SVIL: variants seen among roughly 807,000 people sequenced by gnomAD.
SVIL encodes the protein archvillin.
In SVIL, 101 loss-of-function variants were observed where a neutral mutation model predicts 240.4. The ratio of observed to expected loss-of-function variants is 0.42; its 90% CI spans 0.36 to 0.50. SVIL has a LOEUF of 0.50. Ranked by LOEUF, SVIL falls within the 20% of genes least tolerant of loss-of-function variation. SVIL has a pLI of 0.01. For synonymous variants in SVIL, 999 were observed against 1,100.0 expected, an observed-to-expected ratio of 0.91 and a Z score of 1.82; for missense variants, 2,512 against 2,818.7, an observed-to-expected ratio of 0.89 and a Z score of 2.46.
chr10:29,634,155 T>C (rs1270387674), intron 1 of SVIL, among the ~76,000 whole-genome samples: 3 of 152,144 alleles, frequency 2.0e-5, no homozygotes, highest in Middle Eastern at 3.4e-3. Flanking sequence ...AATCAAATTT[T>C]TAGTATTAAA....
At chr10:29,616,747 G>A (rs146844369) in intron 1 of SVIL, among the ~76,000 whole-genome samples, 1 of 152,256 alleles carries the variant, frequency 6.6e-6, no homozygotes, top group African/African-American at 2.4e-5. Flanking sequence ...TTGAGATGGA[G>A]TCTGGCTCTG....
intron 1 of SVIL, among the ~76,000 whole-genome samples, chr10:29,596,616 A>G (rs1016353395): frequency 2.0e-5 from 3 of 152,164 alleles, no homozygotes; most frequent in Non-Finnish European, 4.4e-5. Context: ...TTTCAGGGCC[A>G]CTGGGCATTG....
At position 29,627,037 on chromosome 10, in the gene SVIL, G is replaced by T. The variant is rs985125489; in HGVS notation, c.-201+7383C>A. ...AGACTCCATCTCAAAAAAATAAAAT[G>T]AAAATAAAATAAAATAAAATAAAAT... On this transcript the variant is annotated intron_variant, in intron 1 of 37. Transcript: ENST00000355867. 9.7e-4 allele frequency among the ~76,000 whole-genome samples: 147 copies of T among 151,002 alleles called. 1 individual carries two copies. The highest frequency in any genetic ancestry group is 3.4e-3 in the African/African-American group (138 of 41,060).
Position 29,718,417 on chromosome 10 carries a change from C to G in SVIL, c.-400+17334G>C, listed in dbSNP as rs551693233. ...TACATATGTGGTTTACATTACATAT[C>G]TGTTGAATATCTAGGGACCCTGGCT... On this transcript the variant is annotated intron_variant, in intron 1 of 35. Coordinates refer to the SVIL transcript ENST00000375400. Among the ~76,000 whole-genome samples, 85 of 152,194 alleles carry G rather than the reference C, an allele frequency of 5.6e-4. 1 individual carries two copies. Among genetic ancestry groups the G allele is most frequent in the African/African-American group, 1.9e-3 (78 of 41,526 alleles).
intron 1 of SVIL, among the ~76,000 whole-genome samples, chr10:29,626,256 G>C (rs1415327507): frequency 6.6e-6 from 1 of 152,174 alleles, no homozygotes. Context: ...ACCATGGTAG[G>C]TATTTTACAT....
Position 29,646,150 on chromosome 10 carries a change from C to T in SVIL, c.-201+11819G>A, listed in dbSNP as rs193100597. On this transcript the variant is annotated intron_variant, in intron 3 of 35. Coordinates refer to the SVIL transcript ENST00000375400. ...ACGAATAAGGCAAATAATGCGTATG[C>T]TCCAGGGAAAATGACAAGGCAATGA... Among the ~76,000 whole-genome samples, 7 of 152,294 alleles carry T rather than the reference C, an allele frequency of 4.6e-5. No homozygotes were observed. The East Asian group carries it at 7.7e-4, about 17-fold the overall frequency.
chr10:29,547,849 A>G (rs1952835055), intron 6 of SVIL, among the ~76,000 whole-genome samples: 1 of 152,222 alleles, frequency 6.6e-6, no homozygotes, highest in Admixed American at 6.5e-5. Flanking sequence ...GTAATTATAT[A>G]TCTCTGATAT....
chr10:29,736,113 G>A (rs1365509944), upstream of SVIL, among the ~76,000 whole-genome samples: 5 of 152,210 alleles, frequency 3.3e-5, no homozygotes, highest in Middle Eastern at 3.4e-3. Context: ...CAGTGCGCGG[G>A]GACCACGCTG....
intron 1 of SVIL, among the ~76,000 whole-genome samples, chr10:29,580,871 C>T (rs947474687): frequency 6.6e-6 from 1 of 152,150 alleles, no homozygotes; most frequent in African/African-American, 2.4e-5. Flanking sequence ...TGGTCTCAAA[C>T]TCCTGGCCTG....
intron 6 of SVIL, among the ~76,000 whole-genome samples, chr10:29,549,782 A>C (rs1953068422): frequency 7.0e-6 from 1 of 142,486 alleles, no homozygotes; most frequent in Non-Finnish European, 1.5e-5. Context: ...ACAAAAAACC[A>C]AACACCGCAT....
chr10:29,580,741 A>G (rs1258019881), intron 1 of SVIL, among the ~76,000 whole-genome samples: 1 of 152,138 alleles, frequency 6.6e-6, no homozygotes, highest in Non-Finnish European at 1.5e-5. Flanking sequence ...AACACGGCTC[A>G]TTGCAGCCTC....
chr10:29,699,447 C>T (rs1209425802), intron 1 of SVIL, among the ~76,000 whole-genome samples: 2 of 152,094 alleles, frequency 1.3e-5, no homozygotes, highest in Non-Finnish European at 2.9e-5. Flanking sequence ...GGATTACAGG[C>T]GTGCACCACC....
At chr10:29,718,287 C>G (rs550760036) in intron 1 of SVIL, among the ~76,000 whole-genome samples, 4 of 151,526 alleles carry the variant, frequency 2.6e-5, no homozygotes, top group Admixed American at 2.6e-4. Flanking sequence ...GATCGCGCCA[C>G]TGCACTCCAG....
intron 2 of SVIL, among the ~76,000 whole-genome samples, chr10:29,668,778 C>T (rs1191208474): frequency 6.6e-6 from 1 of 152,184 alleles, no homozygotes; most frequent in Non-Finnish European, 1.5e-5. Flanking sequence ...CCAGCCAAAT[C>T]TAAGATAAAT....
chr10:29,691,113 G>A (rs1415318759), intron 1 of SVIL, among the ~76,000 whole-genome samples: 1 of 151,872 alleles, frequency 6.6e-6, no homozygotes, highest in Non-Finnish European at 1.5e-5. Flanking sequence ...ATGTTCTATA[G>A]TAGAAAGATT....
chr10:29,657,284 A>G (rs2133028122), intron 3 of SVIL, among the ~76,000 whole-genome samples: 1 of 152,350 alleles, frequency 6.6e-6, no homozygotes, highest in South Asian at 2.1e-4. Flanking sequence ...TAATGAACAA[A>G]TGGAACACTG....
At chr10:29,619,854 A>C (rs1957563930) in intron 1 of SVIL, among the ~76,000 whole-genome samples, 1 of 152,248 alleles carries the variant, frequency 6.6e-6, no homozygotes, top group Non-Finnish European at 1.5e-5. Context: ...ACATTTTTAA[A>C]AAGATTATTG....
chr10:29,664,281 TG>T (rs1197466277), intron 2 of SVIL, among the ~76,000 whole-genome samples: 6 of 152,226 alleles, frequency 3.9e-5, no homozygotes, highest in Non-Finnish European at 5.9e-5. Context: ...TTTAAATGTA[TG>T]TTTTTTTTGA....
chr10:29,566,170 T>G (rs190060555), intron 2 of SVIL, among the ~76,000 whole-genome samples: 1 of 152,158 alleles, frequency 6.6e-6, no homozygotes, highest in African/African-American at 2.4e-5. Flanking sequence ...CTTTCTTTCC[T>G]TCTTTCATCT....
Sources: gnomAD v4.1 joint callset for allele counts (sites outside exome capture counted in the v4.1 genomes callset) on GRCh38, gnomAD v4.1.1 for gene constraint, MANE v1.5 for transcripts, NCBI Gene and HGNC (gene_info 2026-07-23, HGNC 2026-07-21) for gene names.